Variants in CPEB4 observed in about 807,000 individuals in gnomAD.
CPEB4 encodes cytoplasmic polyadenylation element-binding protein 4.
A neutral mutation model predicts 72.5 loss-of-function variants in CPEB4; 12 were observed. The observed-to-expected ratio is 0.17, with a 90% CI of 0.11 to 0.27. CPEB4 has a LOEUF of 0.27. Among genes scored for constraint, CPEB4 ranks in the 10% least tolerant of loss-of-function variants. CPEB4 has a pLI of 1.00. For missense variants in CPEB4, 614 were observed against 908.5 expected, an observed-to-expected ratio of 0.68 and a Z score of 4.17; for synonymous variants, 302 against 326.3, an observed-to-expected ratio of 0.93 and a Z score of 0.80.
At position 173,916,989 on chromosome 5, in the gene CPEB4, C is replaced by G. The variant is rs561935567; in HGVS notation, c.1207+6385C>G. 3.9e-5 allele frequency among the ~76,000 whole-genome samples: 6 copies of G among 152,194 alleles called. No homozygotes were observed. In the South Asian group the frequency reaches 1.2e-3, roughly 31 times the overall value. On this transcript the variant is annotated intron_variant, in intron 2 of 9. Transcript: ENST00000265085. The stretch of plus-strand genomic sequence containing the variant: ...ACCATTTTACTAATATTCCTATATT[C>G]CAAATTGCAGTCACTTAGTTGACTT...
chr5:173,938,257 G>A (rs1309364308), intron 3 of CPEB4, among the ~76,000 whole-genome samples: 4 of 152,006 alleles, frequency 2.6e-5, no homozygotes, highest in South Asian at 2.1e-4. Context: ...ACGGAATCTC[G>A]CTCTGTTGCC....
Position 173,935,289 on chromosome 5 carries a change from A to T in CPEB4, c.1258+2789A>T, listed in dbSNP as rs573452536. On this transcript the variant is annotated intron_variant, in intron 3 of 9. Coordinates refer to ENST00000265085, the MANE Select transcript of CPEB4 (RefSeq NM_030627.4). ...CTTTCATTGTCTGTCATTAAGGTAG[A>T]TAATCTAAAACTATGCACTTTCAAA... is the stretch of plus-strand genomic sequence containing the variant. Among the ~76,000 whole-genome samples the T allele has an allele frequency of 2.0e-5, 3 of 152,328 alleles. No individual in the cohort carries two copies. The South Asian group carries it at 6.2e-4, about 32-fold the overall frequency.
At chr5:173,947,087 G>A (rs2113282804) in intron 5 of CPEB4, among the ~76,000 whole-genome samples, 1 of 152,038 alleles carries the variant, frequency 6.6e-6, no homozygotes, top group South Asian at 2.1e-4. Flanking sequence ...CTGGAATTTA[G>A]GCATACTCCT....
chr5:173,908,578 G>T (rs537100101), intron 1 of CPEB4, among the ~76,000 whole-genome samples: 1 of 152,142 alleles, frequency 6.6e-6, no homozygotes, highest in East Asian at 1.9e-4. Context: ...GATGAGATGG[G>T]GTCAGGAGGA....
intron 3 of CPEB4, among the ~76,000 whole-genome samples, chr5:173,936,044 G>A (rs1757609987): frequency 6.6e-6 from 1 of 152,144 alleles, no homozygotes; most frequent in African/African-American, 2.4e-5. Flanking sequence ...TCAATTTATT[G>A]CTGTGTTAAT....
chr5:173,951,366 T>C (rs1260537191), intron 7 of CPEB4, among the ~76,000 whole-genome samples: 1 of 152,224 alleles, frequency 6.6e-6, no homozygotes, highest in East Asian at 1.9e-4. Flanking sequence ...AAAACCATTT[T>C]GAAATAATGC....
Position 173,960,641 on chromosome 5 carries a change from CAAAAGTGA to C in CPEB4, c.*4509_*4516del, listed in dbSNP as rs1758520270. 6.6e-6 allele frequency: 1 copy of C among 152,170 alleles called. No homozygotes were observed. The highest frequency in any genetic ancestry group is 6.5e-5 in the Admixed American group (1 of 15,284). 9.4% of individuals were successfully genotyped at this position (152,170 alleles called of 1,614,324 possible). On this transcript the variant is annotated 3_prime_UTR_variant, in exon 10 of 10. Transcript: ENST00000265085. ...TATCAGTTGAAGGCCAAATGCCCAA[CAAAAGTGA>C]AAAACCCAATGTTTAGTTAATAATG...
rs1334333511 is a variant in CPEB4, at chr5:173,959,788, A to C, written c.*3651A>C. 6.6e-6 allele frequency: 1 copy of C among 152,426 alleles called. No individual in the cohort carries two copies. Among genetic ancestry groups the C allele is most frequent in the Non-Finnish European group, 1.5e-5 (1 of 67,996 alleles). 9.4% of individuals were successfully genotyped at this position (152,426 alleles called of 1,614,324 possible). ...CTACTGTGATTGATAGCATTGTAAG[A>C]ATCGGGACAATATTGTATTCAACTG... On this transcript the variant is annotated 3_prime_UTR_variant, in exon 10 of 10. Coordinates refer to ENST00000265085, the MANE Select transcript of CPEB4 (RefSeq NM_030627.4).
chr5:173,956,599 CTT>C lies in CPEB4; in HGVS notation c.*464_*465del, dbSNP rs777973103. The C allele has an allele frequency of 7.5e-6, 1 of 132,972 alleles. No individual in the cohort carries two copies. Among genetic ancestry groups the C allele is most frequent in the African/African-American group, 2.5e-5 (1 of 39,440 alleles). The allele number at this position is 132,972 out of a possible 1,614,324, so 8.2% of individuals were successfully genotyped here. A position where few individuals can be genotyped will look rare whatever the true frequency, so the allele number is the denominator to read the frequency against. ...CCCAGGGAAGTGCTTTTGCCTTTTC[CTT>C]TCTTTTTTTTTTTTTTTTCATCTTT... On this transcript the variant is annotated 3_prime_UTR_variant, in exon 10 of 10. Transcript: ENST00000265085.
Position 173,950,614 on chromosome 5 carries a change from A to T in CPEB4, c.1665+536A>T, listed in dbSNP as rs551125050. ...GTGAGACTCTGTCTCAAAATAAAAT[A>T]AAATAAAATAAAATAAAATAAAAAA... On this transcript the variant is annotated intron_variant, in intron 7 of 9. Transcript: ENST00000265085. This position sits in a 1 kb window ranked among gnomAD's most constrained non-coding sequence, Gnocchi z 5.0. Among the ~76,000 whole-genome samples, 869 of 151,952 alleles carry T rather than the reference A, an allele frequency of 5.7e-3. 14 individuals carry two copies. Among genetic ancestry groups the T allele is most frequent in the African/African-American group, 0.02 (816 of 41,406 alleles).
intron 3 of CPEB4, among the ~76,000 whole-genome samples, chr5:173,935,101 T>C (rs1757575314): frequency 6.6e-6 from 1 of 152,212 alleles, no homozygotes; most frequent in South Asian, 2.1e-4. Context: ...GCATAGCACC[T>C]GGCACGTAGT....
At position 173,955,865 on chromosome 5, in the gene CPEB4, C is replaced by T; in HGVS notation, c.1963-45C>T. The T allele has an allele frequency of 6.7e-7, 1 of 1,485,618 alleles. No homozygotes were observed. The highest frequency in any genetic ancestry group is 9.3e-7 in the Non-Finnish European group (1 of 1,074,774). 92.0% of individuals were successfully genotyped at this position (1,485,618 alleles called of 1,614,324 possible). On this transcript the variant is annotated intron_variant, in intron 9 of 9. Transcript: ENST00000265085. This position sits in a 1 kb window ranked among gnomAD's most constrained non-coding sequence, Gnocchi z 4.7. The stretch of plus-strand genomic sequence containing the variant: ...AAATGTACATGTATGGTAAGCATTG[C>T]TGGCCTAGTCACTGAAAAATGTAAA...
chr5:173,947,194 T>C (rs763021851), intron 5 of CPEB4, among the ~76,000 whole-genome samples: 23 of 152,234 alleles, frequency 1.5e-4, no homozygotes, highest in Non-Finnish European at 2.5e-4. Context: ...AATGTATTTT[T>C]CCATAATCTC....
chr5:173,922,687 C>G (rs1757113331), intron 2 of CPEB4, among the ~76,000 whole-genome samples: 1 of 152,176 alleles, frequency 6.6e-6, no homozygotes. Context: ...TGTTCTCTTC[C>G]CTGATTCTGA....
intron 2 of CPEB4, among the ~76,000 whole-genome samples, chr5:173,924,586 C>T (rs1377428311): frequency 6.6e-6 from 1 of 152,180 alleles, no homozygotes; most frequent in Non-Finnish European, 1.5e-5. Flanking sequence ...TGTTAAGTAC[C>T]TACTGCATAT....
Position 173,961,115 on chromosome 5 carries a change from A to T in CPEB4, c.*4978A>T, listed in dbSNP as rs1305723754. The T allele has an allele frequency of 2.0e-5, 3 of 152,222 alleles. No homozygotes were observed. The highest frequency in any genetic ancestry group is 2.9e-5 in the Non-Finnish European group (2 of 68,040). 9.4% of individuals were successfully genotyped at this position (152,222 alleles called of 1,614,324 possible). On this transcript the variant is annotated 3_prime_UTR_variant, in exon 10 of 10. Transcript: ENST00000265085. ...TTGCGTCTAAGTTGTCTTTCCCAAC[A>T]GGCAGCTCTTCTAACTATAGAGATT...
intron 4 of CPEB4, among the ~76,000 whole-genome samples, chr5:173,944,405 T>G (rs1757944942): frequency 6.6e-6 from 1 of 150,854 alleles, no homozygotes; most frequent in East Asian, 1.9e-4. Flanking sequence ...AGCACAAGAG[T>G]TTGAGGCTGC....
chr5:173,911,195 C>T (rs1324509761), intron 2 of CPEB4, among the ~76,000 whole-genome samples: 3 of 149,942 alleles, frequency 2.0e-5, no homozygotes, highest in East Asian at 1.9e-4. Context: ...TTTATAAAGA[C>T]GTAGAATTAC....
chr5:173,901,447 T>C (rs1756228255), intron 1 of CPEB4, among the ~76,000 whole-genome samples: 1 of 152,234 alleles, frequency 6.6e-6, no homozygotes, highest in Admixed American at 6.5e-5. Context: ...CTGTTAAATG[T>C]GGTCCCTCCT....
Sources: allele counts gnomAD v4.1 joint callset (sites outside exome capture counted in the v4.1 genomes callset), GRCh38; gene constraint gnomAD v4.1.1; non-coding constraint Gnocchi (gnomAD v3.1); transcripts MANE v1.5; gene names NCBI Gene and HGNC (gene_info 2026-07-23, HGNC 2026-07-21).